The following L3MBTL4 variants were observed in gnomAD, a reference collection of about 807,000 sequenced individuals.
L3MBTL4 encodes the protein lethal(3)malignant brain tumor-like protein 4.
A neutral mutation model predicts 84.5 loss-of-function variants in L3MBTL4; 70 were observed. The observed-to-expected ratio is 0.83, with a 90% CI of 0.68 to 1.01. The LOEUF is 1.01. L3MBTL4 is among the 50% of genes least tolerant of loss of function. The pLI is 0.00. For synonymous variants in L3MBTL4, 274 were observed against 259.8 expected (o/e 1.05, Z -0.52); for missense variants, 715 against 754.8 (o/e 0.95, Z 0.62).
chr18:5,983,479 G>A (rs938996082), intron 16 of L3MBTL4, among the ~76,000 whole-genome samples: 6 of 151,940 alleles, frequency 3.9e-5, no homozygotes, highest in Admixed American at 2.0e-4. Context: ...AGCTGCTAAC[G>A]TGTGTGTTTG....
chr18:6,240,452 G>A (rs895690745), intron 8 of L3MBTL4, among the ~76,000 whole-genome samples: 3 of 150,836 alleles, frequency 2.0e-5, no homozygotes, highest in African/African-American at 7.3e-5. Flanking sequence ...ATTTTAAAAT[G>A]TGAGTGCTTT....
chr18:6,203,781 C>G (rs1344285151), intron 12 of L3MBTL4, among the ~76,000 whole-genome samples: 3 of 152,124 alleles, frequency 2.0e-5, no homozygotes, highest in Non-Finnish European at 4.4e-5. Context: ...GGTGCTGACC[C>G]AGATTCTACG....
At chr18:5,978,559 G>C (rs958230692) in intron 16 of L3MBTL4, among the ~76,000 whole-genome samples, 2 of 152,074 alleles carry the variant, frequency 1.3e-5, no homozygotes, top group African/African-American at 4.8e-5. Flanking sequence ...TTATTTTGAA[G>C]TTTCTTCTTT....
At chr18:6,351,630 C>T (rs1003175312) in intron 1 of L3MBTL4, among the ~76,000 whole-genome samples, 18 of 152,010 alleles carry the variant, frequency 1.2e-4, no homozygotes, top group African/African-American at 3.4e-4. Flanking sequence ...CGGCTCACTG[C>T]AAGCTCCGCC....
intron 1 of L3MBTL4, among the ~76,000 whole-genome samples, chr18:6,331,548 A>G (rs1048670867): frequency 6.6e-6 from 1 of 152,222 alleles, no homozygotes; most frequent in Non-Finnish European, 1.5e-5. Flanking sequence ...CACCAACCTA[A>G]GTGTCATAAG....
intron 14 of L3MBTL4, among the ~76,000 whole-genome samples, chr18:6,132,547 A>G (rs149794588): frequency 2.0e-5 from 3 of 152,326 alleles, no homozygotes; most frequent in Non-Finnish European, 4.4e-5. Context: ...TCTTCTCACT[A>G]TCACACCTTC....
intron 3 of L3MBTL4, among the ~76,000 whole-genome samples, chr18:6,310,592 T>C (rs1374258242): frequency 6.6e-6 from 1 of 152,210 alleles, no homozygotes; most frequent in Non-Finnish European, 1.5e-5. Flanking sequence ...TGTGTAAATG[T>C]ATAACCACAA....
chr18:6,341,077 G>C (rs1400332024), intron 1 of L3MBTL4, among the ~76,000 whole-genome samples: 1 of 152,040 alleles, frequency 6.6e-6, no homozygotes, highest in Non-Finnish European at 1.5e-5. Flanking sequence ...CCAGAATCTA[G>C]AGAGTCTCAC....
At chr18:6,201,412 G>A (rs1433240326) in intron 12 of L3MBTL4, among the ~76,000 whole-genome samples, 1 of 152,156 alleles carries the variant, frequency 6.6e-6, no homozygotes, top group Non-Finnish European at 1.5e-5. Context: ...AGGCTGTGAG[G>A]AGCGAGGGTG....
chr18:5,989,389 T>C (rs941226111), intron 16 of L3MBTL4, among the ~76,000 whole-genome samples: 1 of 143,750 alleles, frequency 7.0e-6, no homozygotes, highest in African/African-American at 2.9e-5. Context: ...GAGCAGTATG[T>C]GGAAAGTTTT....
At position 6,045,558 on chromosome 18, in the gene L3MBTL4, G is replaced by A. The variant is rs191869328; in HGVS notation, c.1444+35323C>T. Among the ~76,000 whole-genome samples, 9 of 152,230 alleles carry A rather than the reference G, an allele frequency of 5.9e-5. No homozygotes were observed. The East Asian group carries it at 1.4e-3, about 23-fold the overall frequency. ...TATGTGGATGGCAGCAGGCAAAGAC[G>A]GTTTGTGCAGGGAATCTCCCATTTT... On this transcript the variant is annotated intron_variant, in intron 16 of 18. Transcript: ENST00000317931.
chr18:5,966,023 C>T (rs982418304), intron 17 of L3MBTL4, among the ~76,000 whole-genome samples: 27 of 152,150 alleles, frequency 1.8e-4, no homozygotes, highest in Non-Finnish European at 1.5e-5. Flanking sequence ...CCACCTGTAC[C>T]CACAACAGAG....
intron 4 of L3MBTL4, among the ~76,000 whole-genome samples, chr18:6,272,959 G>A (rs1599434503): frequency 1.8e-5 from 1 of 55,772 alleles, no homozygotes; most frequent in African/African-American, 1.2e-4. Context: ...TCTACAGAGC[G>A]GTGCCTTCAG....
chr18:6,144,438 T>C (rs1356892830), intron 13 of L3MBTL4, among the ~76,000 whole-genome samples: 1 of 152,176 alleles, frequency 6.6e-6, no homozygotes, highest in Non-Finnish European at 1.5e-5. Context: ...GTAAATCTAA[T>C]GGCAAGGTTC....
chr18:6,138,998 G>C (rs1334214774), intron 13 of L3MBTL4, among the ~76,000 whole-genome samples: 4 of 152,108 alleles, frequency 2.6e-5, no homozygotes, highest in Admixed American at 6.5e-5. Context: ...TAGAATACTG[G>C]ACAGAAACTG....
At chr18:6,364,213 C>T (rs1217682317) in intron 1 of L3MBTL4, among the ~76,000 whole-genome samples, 1 of 152,116 alleles carries the variant, frequency 6.6e-6, no homozygotes, top group Non-Finnish European at 1.5e-5. Context: ...TGTGAAACAA[C>T]GCCGCTCTAG....
intron 3 of L3MBTL4, among the ~76,000 whole-genome samples, chr18:6,309,971 G>A (rs575099759): frequency 2.6e-5 from 4 of 152,304 alleles, no homozygotes; most frequent in Admixed American, 1.3e-4. Context: ...GTGGGCTTCA[G>A]AATCACCTGG....
chr18:6,308,927 TAAG>T (rs1289095240), intron 3 of L3MBTL4, among the ~76,000 whole-genome samples: 1 of 146,666 alleles, frequency 6.8e-6, no homozygotes, highest in South Asian at 2.1e-4. Flanking sequence ...CTGAAAAGCA[TAAG>T]AAAATATTTT....
At chr18:6,095,240 C>T (rs2058593100) in intron 14 of L3MBTL4, among the ~76,000 whole-genome samples, 1 of 152,148 alleles carries the variant, frequency 6.6e-6, no homozygotes, top group South Asian at 2.1e-4. Flanking sequence ...ACAACAGGCT[C>T]ACACAGTGTA....
Sources: gnomAD v4.1 joint callset for allele counts (sites outside exome capture counted in the v4.1 genomes callset) on GRCh38, gnomAD v4.1.1 for gene constraint, MANE v1.5 for transcripts, NCBI Gene and HGNC (gene_info 2026-07-23, HGNC 2026-07-21) for gene names.